The following TRPM3 variants were observed in gnomAD, a reference collection of about 807,000 sequenced individuals.
The protein encoded by TRPM3 is long transient receptor potential channel 3.
In TRPM3, 77 loss-of-function variants were observed where a neutral mutation model predicts 181.2. The ratio of observed to expected loss-of-function variants is 0.42; its 90% CI spans 0.35 to 0.51. The LOEUF (loss-of-function observed/expected upper bound fraction) is 0.51, where lower values mean the gene tolerates loss of function less well. TRPM3 is among the 20% of genes least tolerant of loss of function. The probability of loss-of-function intolerance (pLI) is 0.01; values close to 1 mark genes in which losing one functional copy is unlikely to be tolerated. For synonymous variants in TRPM3, 745 were observed against 796.4 expected (o/e 0.94, Z 1.09); for missense variants, 1,759 against 2,196.7 (o/e 0.80, Z 3.98).
At chr9:70,701,971 G>A (rs1419245319) in intron 8 of TRPM3, among the ~76,000 whole-genome samples, 1 of 135,664 alleles carries the variant, frequency 7.4e-6, no homozygotes, top group African/African-American at 2.8e-5. Context: ...GAATTCCCAT[G>A]CTGTGTAGTC....
chr9:70,758,236 A>T (rs543691028), intron 8 of TRPM3, among the ~76,000 whole-genome samples: 85 of 152,224 alleles, frequency 5.6e-4, no homozygotes, highest in African/African-American at 2.0e-3. Flanking sequence ...CACAATTGCT[A>T]CAAAGAGAAT....
At chr9:70,976,994 T>C (rs1418723484) in intron 1 of TRPM3, among the ~76,000 whole-genome samples, 5 of 152,218 alleles carry the variant, frequency 3.3e-5, no homozygotes, top group African/African-American at 1.2e-4. Flanking sequence ...CTGGGGATTT[T>C]ATTTTTAGGA....
chr9:70,628,818 TAA>T (rs10699305), intron 12 of TRPM3, among the ~76,000 whole-genome samples: 3,375 of 89,478 alleles, frequency 0.038, 170 homozygotes, highest in African/African-American at 0.12. Context: ...GACTCTGTCT[TAA>T]AAAAAAAAAA....
intron 9 of TRPM3, among the ~76,000 whole-genome samples, chr9:70,662,813 A>G (rs1405612151): frequency 6.6e-6 from 1 of 152,188 alleles, no homozygotes; most frequent in East Asian, 1.9e-4. Context: ...TAGTACAACC[A>G]CTACAGAAAA....
intron 1 of TRPM3, among the ~76,000 whole-genome samples, chr9:71,088,678 T>A (rs536323631): frequency 2.0e-4 from 30 of 152,224 alleles, no homozygotes; most frequent in South Asian, 4.1e-4. Context: ...TAATGAGGTT[T>A]CCTCATTTTT....
intron 1 of TRPM3, among the ~76,000 whole-genome samples, chr9:71,435,878 A>C (rs1003111528): frequency 1.3e-5 from 2 of 152,220 alleles, no homozygotes; most frequent in African/African-American, 4.8e-5. Context: ...AGAGAGAGGC[A>C]GAAGAGGAGA....
intron 3 of TRPM3, among the ~76,000 whole-genome samples, chr9:70,860,703 G>A (rs2095499416): frequency 6.6e-6 from 1 of 152,154 alleles, no homozygotes; most frequent in African/African-American, 2.4e-5. Flanking sequence ...TATAAGATAT[G>A]TGCATCCAAA....
chr9:71,259,295 T>C (rs945998031), intron 1 of TRPM3, among the ~76,000 whole-genome samples: 69 of 152,340 alleles, frequency 4.5e-4, no homozygotes, highest in African/African-American at 1.5e-3. Flanking sequence ...AGTCTAACAA[T>C]GATAGGCATT....
chr9:71,348,733 T>C (rs1304080129), intron 1 of TRPM3, among the ~76,000 whole-genome samples: 1 of 150,984 alleles, frequency 6.6e-6, no homozygotes. Context: ...CCAGGCTAAT[T>C]TTTTTTTTCG....
At chr9:71,127,316 C>CACACACACACACACACACACACACAA (rs1565253257) in intron 1 of TRPM3, among the ~76,000 whole-genome samples, 1 of 149,308 alleles carries the variant, frequency 6.7e-6, no homozygotes, top group Non-Finnish European at 1.5e-5. Context: ...CACACACACA[C>CACACACACACACACACACACACACAA]CCCTGAACTG....
At chr9:71,261,663 T>G (rs900094784) in intron 1 of TRPM3, among the ~76,000 whole-genome samples, 1 of 152,222 alleles carries the variant, frequency 6.6e-6, no homozygotes, top group Non-Finnish European at 1.5e-5. Context: ...GTCTTTGCTG[T>G]TAGTGACTTT....
At chr9:71,013,651 A>T (rs10868942) in intron 1 of TRPM3, among the ~76,000 whole-genome samples, 52,945 of 151,714 alleles carry the variant, frequency 0.35, 9,636 homozygotes, top group Middle Eastern at 0.43. Flanking sequence ...AATTTTGATA[A>T]ATCATATTAT....
At chr9:70,588,650 A>G (rs1034774818) in intron 22 of TRPM3, among the ~76,000 whole-genome samples, 6 of 152,168 alleles carry the variant, frequency 3.9e-5, no homozygotes, top group African/African-American at 1.4e-4. Flanking sequence ...GCCTGAAAAC[A>G]TGCTTCACAA....
Position 70,984,223 on chromosome 9 carries a change from T to C in TRPM3, c.178-119712A>G, listed in dbSNP as rs1195697007. 2.6e-5 allele frequency among the ~76,000 whole-genome samples: 4 copies of C among 152,202 alleles called. No individual in the cohort carries two copies. In the South Asian group the frequency reaches 8.3e-4, roughly 32 times the overall value. ...ACTTATCTGAGGCAGATACAGTCAT[T>C]GCCTGCTACATAACAGCCACTACCC... On this transcript the variant is annotated intron_variant, in intron 1 of 25. Transcript: ENST00000677713.
At chr9:71,041,708 C>T (rs1029576583) in intron 1 of TRPM3, among the ~76,000 whole-genome samples, 9 of 152,228 alleles carry the variant, frequency 5.9e-5, no homozygotes, top group African/African-American at 2.2e-4. Context: ...GATATCTATA[C>T]TTCCAGGCAG....
At chr9:70,974,400 G>T (rs1172073076) in intron 1 of TRPM3, among the ~76,000 whole-genome samples, 1 of 115,908 alleles carries the variant, frequency 8.6e-6, no homozygotes, top group Admixed American at 9.0e-5. Context: ...TTAGCCGCGC[G>T]TGGTGGCGGG....
chr9:70,792,811 A>ATAT (rs1172617878), intron 6 of TRPM3, among the ~76,000 whole-genome samples: 1 of 152,170 alleles, frequency 6.6e-6, no homozygotes, highest in African/African-American at 2.4e-5. Context: ...TACATAGTAA[A>ATAT]TATTAATATT....
intron 1 of TRPM3, among the ~76,000 whole-genome samples, chr9:71,306,688 A>G (rs1220347781): frequency 6.6e-6 from 1 of 152,148 alleles, no homozygotes; most frequent in Admixed American, 6.5e-5. Context: ...ATCCTGGCCA[A>G]CATGATGAAA....
intron 1 of TRPM3, among the ~76,000 whole-genome samples, chr9:71,012,771 T>A (rs570770074): frequency 6.6e-6 from 1 of 152,164 alleles, no homozygotes; most frequent in South Asian, 2.1e-4. Context: ...TGAAATTTTT[T>A]ATGGTTTGTG....
Sources: allele counts gnomAD v4.1 joint callset (sites outside exome capture counted in the v4.1 genomes callset), GRCh38; gene constraint gnomAD v4.1.1; transcripts MANE v1.5; gene names NCBI Gene and HGNC (gene_info 2026-07-23, HGNC 2026-07-21).